The following MYBPC1 variants were observed in gnomAD, a reference collection of about 807,000 sequenced individuals.
MYBPC1 encodes myosin binding protein C1, also known as myosin-binding protein C, slow-type.
In MYBPC1, 52 loss-of-function variants were observed where a neutral mutation model predicts 147.1. That is an observed-to-expected ratio of 0.35 (90% CI 0.28 to 0.45). MYBPC1 has a LOEUF of 0.45. Ranked by LOEUF, MYBPC1 falls within the 20% of genes least tolerant of loss-of-function variation. The probability of loss-of-function intolerance (pLI) is 1.00; values close to 1 mark genes in which losing one functional copy is unlikely to be tolerated. For missense variants in MYBPC1, 1,228 were observed against 1,440.3 expected (o/e 0.85, Z 2.39); for synonymous variants, 477 against 475.9 (o/e 1.00, Z -0.03).
At chr12:101,633,148 C>T (rs531988226) in intron 8 of MYBPC1, among the ~76,000 whole-genome samples, 145 of 152,196 alleles carry the variant, frequency 9.5e-4, no homozygotes, top group African/African-American at 3.3e-3. Context: ...TGTCTTTAGC[C>T]GTGGTCACTA....
chr12:101,661,188 T>C lies in MYBPC1; in HGVS notation c.1958T>C (p.Val653Ala), dbSNP rs754818920. Residue 653 changes from valine to alanine, a missense_variant, in exon 20 of 32, where the codon GTG (valine) becomes GCG (alanine). Transcript: ENST00000361466. ...CCTGATCCTCCAGTGGCACCGACTGTGACAGAGGTGGGAGATGACTGGTGT... is the reference window on the plus strand; with the variant it reads ...CCTGATCCTCCAGTGGCACCGACTGCGACAGAGGTGGGAGATGACTGGTGT... ...DFPDPPVAPT[V>A]TEVGDDWCIM... The C allele has an allele frequency of 2.7e-5, 44 of 1,613,698 alleles. No individual in the cohort carries two copies. Among genetic ancestry groups the C allele is most frequent in the Non-Finnish European group, 3.5e-5 (41 of 1,179,960 alleles).
intron 25 of MYBPC1, 27 bp from the exon 26 acceptor site, chr12:101,675,263 TGC>T (rs750903946): frequency 6.2e-7 from 1 of 1,613,650 alleles, no homozygotes; most frequent in Non-Finnish European, 8.5e-7. Flanking sequence ...AAAGTGACCT[TGC>T]AGTGACACCA....
chr12:101,667,382 T>A (rs1453582907), intron 22 of MYBPC1, among the ~76,000 whole-genome samples: 1 of 152,244 alleles, frequency 6.6e-6, no homozygotes, highest in African/African-American at 2.4e-5. Context: ...CTAGCTATCA[T>A]GATTGCATGA....
At chr12:101,681,587 TATATA>T (rs1185706588) in intron 29 of MYBPC1, among the ~76,000 whole-genome samples, 22 of 30,532 alleles carry the variant, frequency 7.2e-4, no homozygotes, top group Admixed American at 1.1e-3. Context: ...TATATATATA[TATATA>T]TTTTTTTTTT....
intron 1 of MYBPC1, among the ~76,000 whole-genome samples, chr12:101,598,473 T>G (rs1020700962): frequency 6.6e-6 from 1 of 152,240 alleles, no homozygotes; most frequent in African/African-American, 2.4e-5. Context: ...AAAAATGATT[T>G]CCTCAGAATT....
At chr12:101,595,561 G>A (rs1470539031) in intron 1 of MYBPC1, among the ~76,000 whole-genome samples, 1 of 151,618 alleles carries the variant, frequency 6.6e-6, no homozygotes, top group Non-Finnish European at 1.5e-5. Flanking sequence ...TTCCATATTT[G>A]CTACTTTTTT....
At chr12:101,617,440 A>G (rs1354930536) in intron 3 of MYBPC1, among the ~76,000 whole-genome samples, 197 bp downstream of exon 3, 2 of 152,254 alleles carry the variant, frequency 1.3e-5, no homozygotes, top group African/African-American at 2.4e-5. Context: ...TATTTCTAAA[A>G]GAAAAACAAC....
chr12:101,632,571 A>C (rs1890128130), intron 8 of MYBPC1, among the ~76,000 whole-genome samples: 2 of 152,216 alleles, frequency 1.3e-5, no homozygotes, highest in Admixed American at 1.3e-4. Flanking sequence ...TGTTCTGTGC[A>C]CTACCCAGAG....
chr12:101,678,272 CCT>C, intron 28 of MYBPC1, 34 bp downstream of exon 28: 1 of 1,610,650 alleles, frequency 6.2e-7, no homozygotes, highest in East Asian at 2.2e-5. Flanking sequence ...AGTTAAAGTC[CCT>C]GTCTTGTATT....
chr12:101,693,858 C>T, the MYBPC1 span, among the ~76,000 whole-genome samples: 78,044 of 152,038 alleles, frequency 0.51, 21,025 homozygotes, highest in Admixed American at 0.6. Context: ...TGTGGCCAGG[C>T]TCTGGCCAAT....
rs758029231 is a variant in MYBPC1 at position 101,682,647 on chromosome 12, G to A, written c.3477G>A (p.Leu1159=). Residue 1159 remains leucine (L), a synonymous_variant, in exon 30 of 32, where the codon CTG becomes CTA. Transcript: ENST00000361466. ...GVNTPGQPVF[L]EGQQQSLHNK... is the part of the protein sequence containing the mutation. Reference sequence around the variant, plus strand: ...ATACCCCTGGACAACCAGTCTTCCTGGAGGGGCAGCAACAGGTTTAAAAAG... The same window carrying A: ...ATACCCCTGGACAACCAGTCTTCCTAGAGGGGCAGCAACAGGTTTAAAAAG... 4.3e-6 allele frequency: 7 copies of A among 1,613,146 alleles called. No individual in the cohort carries two copies. Among genetic ancestry groups the A allele is most frequent in the Non-Finnish European group, 5.9e-6 (7 of 1,179,200 alleles).
intron 30 of MYBPC1, among the ~76,000 whole-genome samples, chr12:101,683,648 T>C (rs1951168584): frequency 6.6e-6 from 1 of 152,130 alleles, no homozygotes; most frequent in Non-Finnish European, 1.5e-5. Flanking sequence ...ATATATGTGA[T>C]TCACCCCCAT....
intron 23 of MYBPC1, among the ~76,000 whole-genome samples, chr12:101,669,610 A>G (rs1459268228): frequency 1.3e-5 from 2 of 152,156 alleles, no homozygotes; most frequent in Non-Finnish European, 2.9e-5. Context: ...CTTTCGTGGA[A>G]TGTTCCCTTG....
chr12:101,635,731 C>T (rs1890854149), intron 9 of MYBPC1, among the ~76,000 whole-genome samples: 1 of 152,106 alleles, frequency 6.6e-6, no homozygotes, highest in African/African-American at 2.4e-5. Context: ...TTTGAAAACA[C>T]ATTACTGAGT....
At chr12:101,636,752 G>C (rs374280471) in intron 10 of MYBPC1, 24 bp downstream of exon 10, 5 of 1,605,888 alleles carry the variant, frequency 3.1e-6, no homozygotes, top group Non-Finnish European at 3.4e-6. Flanking sequence ...GATGGAGTGA[G>C]ACATTGTGGC....
chr12:101,687,852 T>C (rs1951374992), downstream of MYBPC1, among the ~76,000 whole-genome samples: 1 of 152,232 alleles, frequency 6.6e-6, no homozygotes, highest in Non-Finnish European at 1.5e-5. Flanking sequence ...CTGCTGAATT[T>C]TGGTTCCCCA....
intron 1 of MYBPC1, among the ~76,000 whole-genome samples, chr12:101,604,522 A>G (rs825080): frequency 0.12 from 18,984 of 152,296 alleles, 1,574 homozygotes; most frequent in East Asian, 0.32. Flanking sequence ...ATTTTGTTAT[A>G]TAACCTCAGA....
At chr12:101,666,894 TACAC>T (rs1201276523) in intron 22 of MYBPC1, 5,170 of 313,792 alleles carry the variant, frequency 0.016, 35 homozygotes, top group African/African-American at 0.029. Flanking sequence ...ATCACATACA[TACAC>T]ACACACACAC....
intron 1 of MYBPC1, among the ~76,000 whole-genome samples, chr12:101,596,278 A>G (rs1565865227): frequency 6.6e-6 from 1 of 152,236 alleles, no homozygotes; most frequent in African/African-American, 2.4e-5. Context: ...GGCAGAGGGC[A>G]TTGATGGATG....
Sources: gnomAD v4.1 joint callset for allele counts (sites outside exome capture counted in the v4.1 genomes callset) on GRCh38, gnomAD v4.1.1 for gene constraint, MANE v1.5 for transcripts, NCBI Gene and HGNC (gene_info 2026-07-23, HGNC 2026-07-21) for gene names.